The following MYO3B variants were observed in gnomAD, a reference collection of about 807,000 sequenced individuals.
MYO3B encodes the protein myosin-IIIb.
In MYO3B, 156 loss-of-function variants were observed where a neutral mutation model predicts 174.6. The ratio of observed to expected loss-of-function variants is 0.89; its 90% CI spans 0.78 to 1.02. The LOEUF is 1.02. MYO3B is among the 50% of genes least tolerant of loss of function. The pLI is 0.00. For synonymous variants in MYO3B, 563 were observed against 569.1 expected (o/e 0.99, Z 0.15); for missense variants, 1,632 against 1,639.4 (o/e 1.00, Z 0.08).
At chr2:170,489,213 GA>G in intron 25 of MYO3B, among the ~76,000 whole-genome samples, 1 of 152,304 alleles carries the variant, frequency 6.6e-6, no homozygotes, top group East Asian at 1.9e-4. Flanking sequence ...TCTGTACAAA[GA>G]AAGAGTTTTT....
chr2:170,319,481 A>AAC (rs2093799920), intron 7 of MYO3B, among the ~76,000 whole-genome samples: 5 of 152,334 alleles, frequency 3.3e-5, no homozygotes, highest in Admixed American at 3.3e-4. Flanking sequence ...CAACCTGAAG[A>AAC]ACACAGAGGG....
intron 28 of MYO3B, among the ~76,000 whole-genome samples, chr2:170,514,526 G>T (rs1179405904): frequency 6.6e-6 from 1 of 152,204 alleles, no homozygotes; most frequent in African/African-American, 2.4e-5. Flanking sequence ...TTCCCTGGTA[G>T]TGGCAACTGA....
chr2:170,397,115 T>A (rs2094446067), intron 16 of MYO3B, among the ~76,000 whole-genome samples: 1 of 152,158 alleles, frequency 6.6e-6, no homozygotes, highest in Non-Finnish European at 1.5e-5. Flanking sequence ...CACTCTTAAG[T>A]TGGGTGATTA....
At chr2:170,644,004 T>C (rs887615150) in intron 32 of MYO3B, 1 of 152,176 alleles carries the variant, frequency 6.6e-6, no homozygotes, top group Non-Finnish European at 1.5e-5. Context: ...GGAGGGGGCA[T>C]GTGTAGCCAA....
intron 29 of MYO3B, among the ~76,000 whole-genome samples, chr2:170,518,090 A>G (rs1158028896): frequency 6.6e-6 from 1 of 152,160 alleles, no homozygotes; most frequent in African/African-American, 2.4e-5. Context: ...CAACAACAAC[A>G]AATCTTTCTA....
chr2:170,332,348 T>C (rs1447032713), intron 7 of MYO3B: 1 of 152,024 alleles, frequency 6.6e-6, no homozygotes, highest in African/African-American at 2.4e-5. Context: ...AGTGAATGCA[T>C]GGAATGGGAA....
In MYO3B at chr2:170,517,696, A is replaced by G. The variant is rs1021470474; in HGVS notation, c.3473-1742A>G. Among the ~76,000 whole-genome samples, 16 of 152,316 alleles carry G rather than the reference A, an allele frequency of 1.1e-4. 1 individual carries two copies. The highest frequency in any genetic ancestry group is 2.0e-4 in the Admixed American group (3 of 15,302). The stretch of plus-strand genomic sequence containing the variant: ...TTTCCTTCTTAACAGGGAAACAGAA[A>G]GATACTTGTATCCCTGAAGTGGGTT... On this transcript the variant is annotated intron_variant, in intron 29 of 34. Coordinates refer to ENST00000408978, the MANE Select transcript of MYO3B (RefSeq NM_138995.5).
intron 22 of MYO3B, chr2:170,411,779 G>C (rs1199680599): frequency 6.6e-6 from 1 of 152,234 alleles, no homozygotes; most frequent in Admixed American, 6.5e-5. Flanking sequence ...CAGGAGACAG[G>C]GCTCCTCCCA....
At chr2:170,453,315 A>G (rs1575003190) in intron 23 of MYO3B, among the ~76,000 whole-genome samples, 1 of 152,026 alleles carries the variant, frequency 6.6e-6, no homozygotes, top group Non-Finnish European at 1.5e-5. Context: ...AAAGTACACC[A>G]GATTTGCTGC....
intron 30 of MYO3B, among the ~76,000 whole-genome samples, chr2:170,522,635 G>A (rs946468539): frequency 1.3e-5 from 2 of 152,110 alleles, no homozygotes; most frequent in East Asian, 3.9e-4. Flanking sequence ...CCTCTCTCTA[G>A]CTCACTTCAG....
At chr2:170,293,806 CTT>C (rs11347929) in intron 7 of MYO3B, among the ~76,000 whole-genome samples, 6 of 150,732 alleles carry the variant, frequency 4.0e-5, no homozygotes, top group South Asian at 2.1e-4. Context: ...CCAAAGAAGC[CTT>C]TTTTTTTTAT....
rs781132788 is a variant in MYO3B at position 170,214,504 on chromosome 2, G to C, written c.426+21G>C. On this transcript the variant is annotated intron_variant, in intron 4 of 34. Coordinates refer to ENST00000408978, the MANE Select transcript of MYO3B (RefSeq NM_138995.5). The stretch of plus-strand genomic sequence containing the variant: ...TCTTGGTAAGAACATCTATCAAATG[G>C]GGTATGACAGCAGATGGGATGGTTT... 9.2e-5 allele frequency: 148 copies of C among 1,604,336 alleles called. 3 individuals are homozygous for C. In the East Asian group the frequency reaches 1.2e-3, roughly 14 times the overall value.
intron 32 of MYO3B, among the ~76,000 whole-genome samples, chr2:170,604,250 T>C (rs1011794147): frequency 2.6e-5 from 4 of 152,170 alleles, no homozygotes; most frequent in Non-Finnish European, 4.4e-5. Context: ...ATGCTCACAT[T>C]TGAGGGTTTT....
chr2:170,376,222 A>G (rs934648104), intron 9 of MYO3B, among the ~76,000 whole-genome samples: 7 of 152,198 alleles, frequency 4.6e-5, no homozygotes, highest in African/African-American at 1.7e-4. Flanking sequence ...AGTTAAAGGT[A>G]TCCAGCTGCT....
At chr2:170,613,656 A>C (rs769571586) in intron 32 of MYO3B, among the ~76,000 whole-genome samples, 1 of 152,220 alleles carries the variant, frequency 6.6e-6, no homozygotes, top group Non-Finnish European at 1.5e-5. Flanking sequence ...AAAGGAGATT[A>C]TCATTTGAGT....
intron 7 of MYO3B, among the ~76,000 whole-genome samples, chr2:170,320,527 G>A (rs957567816): frequency 6.6e-6 from 1 of 152,204 alleles, no homozygotes; most frequent in Non-Finnish European, 1.5e-5. Flanking sequence ...ATAAGCAACA[G>A]TGTATGTTTT....
At chr2:170,179,832 C>T (rs140815759) in intron 1 of MYO3B, among the ~76,000 whole-genome samples, 1 of 152,304 alleles carries the variant, frequency 6.6e-6, no homozygotes, top group East Asian at 1.9e-4. Flanking sequence ...CTAATTTACT[C>T]ACGCTTGTAT....
chr2:170,535,577 G>A (rs1575129618), intron 30 of MYO3B, among the ~76,000 whole-genome samples: 1 of 152,192 alleles, frequency 6.6e-6, no homozygotes, highest in Non-Finnish European at 1.5e-5. Context: ...GAGGCTGAGA[G>A]CATGGGCTCC....
chr2:170,237,518 A>T (rs2093084113), intron 7 of MYO3B, among the ~76,000 whole-genome samples: 1 of 122,058 alleles, frequency 8.2e-6, no homozygotes, highest in Non-Finnish European at 1.7e-5. Context: ...GGCAGCAAAG[A>T]GTGTGTGTTT....
Sources: allele counts gnomAD v4.1 joint callset (sites outside exome capture counted in the v4.1 genomes callset), GRCh38; gene constraint gnomAD v4.1.1; transcripts MANE v1.5; gene names NCBI Gene and HGNC (gene_info 2026-07-23, HGNC 2026-07-21).